The following CEP112 variants were observed in gnomAD, a reference collection of about 807,000 sequenced individuals.
The protein encoded by CEP112 is centrosomal protein 112.
CEP112 carries 127 observed loss-of-function variants against 153.0 expected under a neutral mutation model. The observed-to-expected ratio is 0.83, with a 90% CI of 0.72 to 0.96. The LOEUF is 0.96. Among genes scored for constraint, CEP112 ranks in the 40% least tolerant of loss-of-function variants. The pLI, the probability that CEP112 is intolerant of heterozygous loss-of-function variation, is 0.00. For missense variants in CEP112, 1,089 were observed against 1,101.2 expected, an observed-to-expected ratio of 0.99 and a Z score of 0.16; for synonymous variants, 358 against 374.4, an observed-to-expected ratio of 0.96 and a Z score of 0.51.
intron 14 of CEP112, 87 bp downstream of exon 14, chr17:66,029,036 T>C (rs2065344922): frequency 9.7e-7 from 1 of 1,031,016 alleles, no homozygotes; most frequent in South Asian, 1.9e-5. Context: ...TAATTTCAAA[T>C]GCCAAATAAT....
intron 2 of CEP112, among the ~76,000 whole-genome samples, chr17:66,178,727 T>G (rs961920141): frequency 2.6e-5 from 4 of 152,302 alleles, no homozygotes; most frequent in Non-Finnish European, 2.9e-5. Context: ...TTTATTTTTG[T>G]ATATGGTGGG....
intron 24 of CEP112, among the ~76,000 whole-genome samples, chr17:65,641,551 C>A (rs964510812): frequency 1.3e-5 from 2 of 151,986 alleles, no homozygotes; most frequent in African/African-American, 4.8e-5. Flanking sequence ...TCACTTGAGC[C>A]CAGGAGTTTG....
intron 11 of CEP112, among the ~76,000 whole-genome samples, chr17:66,057,798 GCC>G (rs1568441844): frequency 7.7e-6 from 1 of 129,478 alleles, no homozygotes; most frequent in African/African-American, 3.3e-5. Context: ...CACACACACA[GCC>G]TTCAGTGAGG....
intron 23 of CEP112, among the ~76,000 whole-genome samples, chr17:65,701,898 G>GTTTTTTTTT (rs869242758): frequency 1.1e-4 from 13 of 116,056 alleles, no homozygotes; most frequent in Non-Finnish European, 2.2e-4. Context: ...TTTTTTTTTT[G>GTTTTTTTTT]TTTTTTTTTT....
intron 16 of CEP112, among the ~76,000 whole-genome samples, chr17:66,018,923 T>C (rs951726101): frequency 6.6e-6 from 1 of 152,252 alleles, no homozygotes; most frequent in Non-Finnish European, 1.5e-5. Context: ...AGCAATAGGT[T>C]ATCTGTAGGG....
intron 18 of CEP112, among the ~76,000 whole-genome samples, chr17:65,939,105 C>A (rs2061435612): frequency 6.6e-6 from 1 of 151,966 alleles, no homozygotes; most frequent in Non-Finnish European, 1.5e-5. Context: ...AGCTAGCACT[C>A]CCAGCCCAAA....
chr17:65,834,545 C>A (rs2057221239), intron 21 of CEP112, among the ~76,000 whole-genome samples: 1 of 152,016 alleles, frequency 6.6e-6, no homozygotes, highest in Non-Finnish European at 1.5e-5. Flanking sequence ...AGGACATGGA[C>A]AGACACTTCT....
intron 20 of CEP112, among the ~76,000 whole-genome samples, chr17:65,880,166 A>G (rs992007935): frequency 2.6e-5 from 4 of 152,202 alleles, no homozygotes; most frequent in Non-Finnish European, 4.4e-5. Context: ...TGTATACAGA[A>G]TTGATTTTAT....
chr17:65,766,707 TAA>T (rs139229209), intron 21 of CEP112, among the ~76,000 whole-genome samples: 4 of 140,298 alleles, frequency 2.9e-5, no homozygotes, highest in Non-Finnish European at 3.1e-5. Context: ...ACGCAAATGG[TAA>T]AAAAAAAAAA....
chr17:66,019,088 A>G (rs1043743221), intron 16 of CEP112, among the ~76,000 whole-genome samples: 1 of 152,232 alleles, frequency 6.6e-6, no homozygotes, highest in African/African-American at 2.4e-5. Flanking sequence ...CTAGAGATCA[A>G]TAAAGACCAT....
intron 19 of CEP112, among the ~76,000 whole-genome samples, chr17:65,916,816 GA>G (rs751619979): frequency 2.0e-5 from 3 of 151,780 alleles, no homozygotes; most frequent in Non-Finnish European, 2.9e-5. Flanking sequence ...TGAGTTACTG[GA>G]AATACAGGCA....
At chr17:65,847,417 G>A (rs955608564) in intron 21 of CEP112, among the ~76,000 whole-genome samples, 1 of 152,066 alleles carries the variant, frequency 6.6e-6, no homozygotes, top group African/African-American at 2.4e-5. Context: ...AGCCTGTTTC[G>A]CTTTTTTTGA....
At chr17:65,976,984 C>T (rs979414498) in intron 17 of CEP112, among the ~76,000 whole-genome samples, 1 of 152,072 alleles carries the variant, frequency 6.6e-6, no homozygotes, top group Non-Finnish European at 1.5e-5. Flanking sequence ...GTGATCCGCC[C>T]GCCTAGGGCT....
At chr17:65,696,508 G>C (rs1015054900) in intron 23 of CEP112, among the ~76,000 whole-genome samples, 1 of 152,102 alleles carries the variant, frequency 6.6e-6, no homozygotes, top group African/African-American at 2.4e-5. Context: ...AACTGGGGTC[G>C]GTAGAGTTGT....
chr17:65,889,247 A>G (rs1676320730), intron 20 of CEP112, among the ~76,000 whole-genome samples: 1 of 152,072 alleles, frequency 6.6e-6, no homozygotes, highest in Non-Finnish European at 1.5e-5. Context: ...CACCTCTAAA[A>G]TGGACTCCCT....
chr17:65,974,804 T>C (rs775613528), intron 17 of CEP112, among the ~76,000 whole-genome samples: 33 of 152,150 alleles, frequency 2.2e-4, no homozygotes, highest in Non-Finnish European at 4.6e-4. Context: ...ACAGAAATGA[T>C]CAACTAGAGA....
At chr17:65,852,439 C>T (rs2057993379) in intron 20 of CEP112, among the ~76,000 whole-genome samples, 2 of 73,282 alleles carry the variant, frequency 2.7e-5, no homozygotes, top group Non-Finnish European at 5.5e-5. Context: ...CCCTCCCTTT[C>T]CTTCCTTCCC....
At chr17:65,670,636 A>G (rs765936410) in intron 24 of CEP112, among the ~76,000 whole-genome samples, 13 of 152,244 alleles carry the variant, frequency 8.5e-5, no homozygotes, top group Admixed American at 4.6e-4. Context: ...AGATGCTACC[A>G]TCAATCAATA....
At chr17:66,029,099 A>G in intron 14 of CEP112, 24 bp downstream of exon 14, 1 of 1,550,984 alleles carries the variant, frequency 6.4e-7, no homozygotes, top group South Asian at 1.2e-5. Context: ...CTTCATGTGG[A>G]TTATCTATTA....
Sources: allele counts gnomAD v4.1 joint callset (sites outside exome capture counted in the v4.1 genomes callset), GRCh38; gene constraint gnomAD v4.1.1; transcripts MANE v1.5; gene names NCBI Gene and HGNC (gene_info 2026-07-23, HGNC 2026-07-21).